WSCD2: variants seen among roughly 807,000 people sequenced by gnomAD.
WSCD2 encodes WSC domain sialate O sulfotransferase 2.
In WSCD2, 28 loss-of-function variants were observed where a neutral mutation model predicts 55.7. That is an observed-to-expected ratio of 0.50 (90% CI 0.37 to 0.69). WSCD2 has a LOEUF of 0.69. WSCD2 is among the 30% of genes least tolerant of loss of function. The probability of loss-of-function intolerance (pLI) is 0.00; values close to 1 mark genes in which losing one functional copy is unlikely to be tolerated. For missense variants in WSCD2, 616 were observed against 762.1 expected (o/e 0.81, Z 2.26); for synonymous variants, 301 against 301.9 (o/e 1.00, Z 0.03).
intron 4 of WSCD2, among the ~76,000 whole-genome samples, chr12:108,216,662 G>A (rs1886865789): frequency 6.6e-6 from 1 of 152,226 alleles, no homozygotes; most frequent in African/African-American, 2.4e-5. Flanking sequence ...CTAATACAGG[G>A]TCCCTGACAA....
chr12:108,156,592 G>T (rs1878534564), intron 1 of WSCD2, among the ~76,000 whole-genome samples: 2 of 152,214 alleles, frequency 1.3e-5, no homozygotes, highest in Non-Finnish European at 2.9e-5. Flanking sequence ...CTGGCAGATT[G>T]CTGATTTCTG....
intron 1 of WSCD2, among the ~76,000 whole-genome samples, chr12:108,193,742 G>A (rs1033526151): frequency 1.3e-5 from 2 of 152,178 alleles, no homozygotes; most frequent in Admixed American, 6.5e-5. Context: ...TGACTGGATG[G>A]GTAGGTGGAC....
chr12:108,181,857 A>T (rs973730626), intron 1 of WSCD2, among the ~76,000 whole-genome samples: 1 of 152,214 alleles, frequency 6.6e-6, no homozygotes, highest in African/African-American at 2.4e-5. Context: ...GAGGCCTGGG[A>T]ATTACCTGGC....
In WSCD2 at chr12:108,210,829, C is replaced by G. The variant is rs1476009933; in HGVS notation, c.682+524C>G. 6.6e-6 allele frequency among the ~76,000 whole-genome samples: 1 copy of G among 152,164 alleles called. No homozygotes were observed. Among genetic ancestry groups the G allele is most frequent in the Non-Finnish European group, 1.5e-5 (1 of 68,018 alleles). On this transcript the variant is annotated intron_variant, in intron 4 of 8. Transcript: ENST00000547525. This position sits in a 1 kb window ranked among gnomAD's most constrained non-coding sequence, Gnocchi z 4.3. The stretch of plus-strand genomic sequence containing the variant: ...CTTGTAAGCAGCAGAGAATTTAAAC[C>G]GACTCTGGAGTCCTTGATGCTTTCA...
intron 1 of WSCD2, among the ~76,000 whole-genome samples, chr12:108,188,968 A>G (rs967981658): frequency 6.6e-6 from 1 of 152,176 alleles, no homozygotes; most frequent in Non-Finnish European, 1.5e-5. Flanking sequence ...ATGTCTCATC[A>G]TTGTTGAAAG....
intron 1 of WSCD2, among the ~76,000 whole-genome samples, chr12:108,180,246 C>T (rs1304573756): frequency 6.6e-6 from 1 of 152,150 alleles, no homozygotes; most frequent in Non-Finnish European, 1.5e-5. Flanking sequence ...GTATTCACAG[C>T]ACCTGACATA....
chr12:108,217,246 C>A (rs1171803369), intron 4 of WSCD2, among the ~76,000 whole-genome samples: 1 of 152,156 alleles, frequency 6.6e-6, no homozygotes, highest in Non-Finnish European at 1.5e-5. Context: ...GACACCAGAG[C>A]CTTTTGCAAA....
chr12:108,152,460 G>A (rs1393214756), intron 1 of WSCD2, among the ~76,000 whole-genome samples: 2 of 152,176 alleles, frequency 1.3e-5, no homozygotes, highest in Non-Finnish European at 2.9e-5. Context: ...GATGTGGCCA[G>A]AGAAATACAG....
At chr12:108,244,132 C>T (rs1195319694) in intron 8 of WSCD2, among the ~76,000 whole-genome samples, 1 of 152,168 alleles carries the variant, frequency 6.6e-6, no homozygotes, top group Non-Finnish European at 1.5e-5. Flanking sequence ...GGAGGCTGGC[C>T]AGCCTGTGCC....
At chr12:108,190,727 AAT>A (rs1178355458) in intron 1 of WSCD2, among the ~76,000 whole-genome samples, 1 of 152,126 alleles carries the variant, frequency 6.6e-6, no homozygotes, top group Non-Finnish European at 1.5e-5. Context: ...GCAGTAACCA[AAT>A]GCTGCCACTC....
intron 1 of WSCD2, among the ~76,000 whole-genome samples, chr12:108,165,809 A>T (rs972178631): frequency 1.3e-5 from 2 of 152,212 alleles, no homozygotes; most frequent in Non-Finnish European, 2.9e-5. Context: ...AATCAATATG[A>T]CTTTCCCTAA....
chr12:108,166,740 C>CCTTCTTTCTTTCTTTCTT (rs1565928598), intron 1 of WSCD2, among the ~76,000 whole-genome samples: 13 of 55,416 alleles, frequency 2.3e-4, no homozygotes, highest in African/African-American at 5.3e-4. Context: ...TTCTTTCTTT[C>CCTTCTTTCTTTCTTTCTT]TTTCCTTCTT....
intron 2 of WSCD2, among the ~76,000 whole-genome samples, chr12:108,205,838 T>G (rs1885291414): frequency 6.6e-6 from 1 of 152,226 alleles, no homozygotes; most frequent in Non-Finnish European, 1.5e-5. Context: ...GTAAACGAAG[T>G]GAAATGAGGA....
At chr12:108,184,390 T>C (rs961377669) in intron 1 of WSCD2, among the ~76,000 whole-genome samples, 17 of 152,192 alleles carry the variant, frequency 1.1e-4, no homozygotes, top group Admixed American at 3.9e-4. Flanking sequence ...ATGGCAGTTA[T>C]TTTTCACTCC....
intron 8 of WSCD2, among the ~76,000 whole-genome samples, chr12:108,246,307 G>T (rs1890077581): frequency 6.6e-6 from 1 of 152,192 alleles, no homozygotes; most frequent in Non-Finnish European, 1.5e-5. Flanking sequence ...AGAAGCAGCT[G>T]GGCTCCCCAG....
At chr12:108,214,682 T>A (rs1886623657) in intron 4 of WSCD2, among the ~76,000 whole-genome samples, 1 of 152,244 alleles carries the variant, frequency 6.6e-6, no homozygotes, top group African/African-American at 2.4e-5. Context: ...CAAGGGTGGC[T>A]GTCCATGGTG....
chr12:108,214,943 G>A (rs1886653000), intron 4 of WSCD2, among the ~76,000 whole-genome samples: 1 of 152,214 alleles, frequency 6.6e-6, no homozygotes. Flanking sequence ...TTTGCTTTAT[G>A]TTCACTGATA....
rs543493161 is a variant in WSCD2 at position 108,210,504 on chromosome 12, G to A, written c.682+199G>A. Among the ~76,000 whole-genome samples the A allele has an allele frequency of 1.6e-4, 25 of 152,228 alleles. No individual in the cohort carries two copies. Among genetic ancestry groups the A allele is most frequent in the African/African-American group, 5.3e-4 (22 of 41,528 alleles). ...AGCTCCTTTGAATGGTCCTGCATGC[G>A]CTTTTCTCTCCCTCCCACTGAGCTG... On this transcript the variant is annotated intron_variant, in intron 4 of 8. Transcript: ENST00000547525. This position sits in a 1 kb window ranked among gnomAD's most constrained non-coding sequence, Gnocchi z 4.3.
At chr12:108,226,777 G>A (rs1888140786) in intron 5 of WSCD2, among the ~76,000 whole-genome samples, 1 of 152,210 alleles carries the variant, frequency 6.6e-6, no homozygotes. Context: ...TCGACTTAAA[G>A]GAAACGAATA....
Sources: gnomAD v4.1 joint callset for allele counts (sites outside exome capture counted in the v4.1 genomes callset) on GRCh38, gnomAD v4.1.1 for gene constraint, Gnocchi (gnomAD v3.1) non-coding constraint, MANE v1.5 for transcripts, NCBI Gene and HGNC (gene_info 2026-07-23, HGNC 2026-07-21) for gene names.